EHBP1: variants seen among roughly 807,000 people sequenced by gnomAD.
EHBP1 encodes the protein EH domain-binding protein 1.
Under a neutral mutation model 144.0 loss-of-function variants are expected in EHBP1, and 55 were observed. That is an observed-to-expected ratio of 0.38 (90% CI 0.31 to 0.48). The LOEUF (loss-of-function observed/expected upper bound fraction) is 0.48, where lower values mean the gene tolerates loss of function less well. EHBP1 is among the 20% of genes least tolerant of loss of function. The pLI, the probability that EHBP1 is intolerant of heterozygous loss-of-function variation, is 0.98. For missense variants in EHBP1, 1,200 were observed against 1,364.2 expected (o/e 0.88, Z 1.90); for synonymous variants, 469 against 472.7 (o/e 0.99, Z 0.10).
chr2:62,935,474 C>T (rs756707996), intron 10 of EHBP1, among the ~76,000 whole-genome samples: 24 of 150,976 alleles, frequency 1.6e-4, no homozygotes, highest in Non-Finnish European at 3.1e-4. Context: ...CATTTTTATG[C>T]CACTATGAAT....
At chr2:62,810,197 A>G (rs192157471) in intron 5 of EHBP1, among the ~76,000 whole-genome samples, 1 of 152,348 alleles carries the variant, frequency 6.6e-6, no homozygotes, top group East Asian at 1.9e-4. Context: ...ACCTCTCCGT[A>G]TATTTATAAT....
intron 13 of EHBP1, among the ~76,000 whole-genome samples, chr2:62,953,272 T>C (rs577166740): frequency 5.7e-4 from 86 of 149,680 alleles, no homozygotes; most frequent in African/African-American, 2.0e-3. Flanking sequence ...CTAAAGATAT[T>C]CATAAAAGCA....
At chr2:62,742,989 A>G (rs2038856074) in intron 2 of EHBP1, among the ~76,000 whole-genome samples, 1 of 152,134 alleles carries the variant, frequency 6.6e-6, no homozygotes, top group Non-Finnish European at 1.5e-5. Flanking sequence ...ATATAAATTC[A>G]TGGTAGAAAA....
intron 7 of EHBP1, among the ~76,000 whole-genome samples, chr2:62,847,352 A>T (rs2152744470): frequency 6.6e-6 from 1 of 152,362 alleles, no homozygotes. Flanking sequence ...GATAGATCAT[A>T]GACCTAAATA....
chr2:62,900,567 G>C (rs879336323), intron 10 of EHBP1, among the ~76,000 whole-genome samples: 1 of 151,792 alleles, frequency 6.6e-6, no homozygotes, highest in Non-Finnish European at 1.5e-5. Flanking sequence ...GCTGCAGTGA[G>C]CTGTGATCAC....
At chr2:62,996,142 G>GA (rs993147265) in intron 18 of EHBP1, among the ~76,000 whole-genome samples, 3 of 151,284 alleles carry the variant, frequency 2.0e-5, no homozygotes, top group African/African-American at 4.9e-5. Context: ...TAATCATTTT[G>GA]AAAAAAAATG....
chr2:63,014,269 T>G (rs899777519), intron 19 of EHBP1, among the ~76,000 whole-genome samples: 1 of 152,242 alleles, frequency 6.6e-6, no homozygotes, highest in African/African-American at 2.4e-5. Context: ...GATTTTGTTA[T>G]TGATCTCTAA....
chr2:62,871,657 A>G (rs1020694815), intron 9 of EHBP1, among the ~76,000 whole-genome samples: 2 of 152,228 alleles, frequency 1.3e-5, no homozygotes, highest in Non-Finnish European at 2.9e-5. Flanking sequence ...CAAAAAGCCT[A>G]TGTGACTCAC....
chr2:62,886,634 G>A (rs2051952959), intron 10 of EHBP1, among the ~76,000 whole-genome samples: 1 of 152,122 alleles, frequency 6.6e-6, no homozygotes, highest in African/African-American at 2.4e-5. Context: ...AAGAATACAA[G>A]CTTGGCTTCA....
chr2:63,028,891 C>T (rs1462831046), intron 19 of EHBP1, among the ~76,000 whole-genome samples: 1 of 152,148 alleles, frequency 6.6e-6, no homozygotes, highest in Non-Finnish European at 1.5e-5. Flanking sequence ...TGAAAACTTA[C>T]TTTCCCACTG....
At chr2:62,836,432 C>G (rs1264770855) in intron 7 of EHBP1, among the ~76,000 whole-genome samples, 2 of 139,586 alleles carry the variant, frequency 1.4e-5, no homozygotes, top group African/African-American at 5.4e-5. Flanking sequence ...AAACGCAGAG[C>G]GTCTCTCCTC....
At chr2:62,865,149 C>G (rs191987256) in intron 9 of EHBP1, among the ~76,000 whole-genome samples, 178 bp downstream of exon 9, 13 of 152,274 alleles carry the variant, frequency 8.5e-5, no homozygotes, top group Non-Finnish European at 4.4e-5. Flanking sequence ...CACCCTCTTC[C>G]AGGTATGTGT....
At chr2:62,929,328 A>G (rs1259520117) in intron 10 of EHBP1, among the ~76,000 whole-genome samples, 2 of 152,208 alleles carry the variant, frequency 1.3e-5, no homozygotes, top group East Asian at 3.8e-4. Context: ...AAAATCCTCA[A>G]TGTCATACTA....
At chr2:62,779,142 T>C (rs1247437583) in intron 5 of EHBP1, among the ~76,000 whole-genome samples, 2 of 152,190 alleles carry the variant, frequency 1.3e-5, no homozygotes, top group African/African-American at 4.8e-5. Flanking sequence ...TCAGCCTTTT[T>C]AGGGTACGGC....
At chr2:63,030,428 C>T (rs2061187921) in intron 19 of EHBP1, among the ~76,000 whole-genome samples, 1 of 152,016 alleles carries the variant, frequency 6.6e-6, no homozygotes, top group African/African-American at 2.4e-5. Flanking sequence ...CACACACACA[C>T]ATTTAAAAAT....
intron 13 of EHBP1, among the ~76,000 whole-genome samples, chr2:62,953,109 C>T (rs909156185): frequency 6.8e-6 from 1 of 147,644 alleles, no homozygotes; most frequent in African/African-American, 2.5e-5. Flanking sequence ...CCCAGCTACT[C>T]GGGAGGCTGA....
At chr2:63,043,206 T>G (rs2061749216) in intron 21 of EHBP1, among the ~76,000 whole-genome samples, 2 of 152,198 alleles carry the variant, frequency 1.3e-5, no homozygotes, top group Admixed American at 1.3e-4. Flanking sequence ...AGAACCAGAT[T>G]AAAAAATTTT....
At chr2:62,988,127 T>G in intron 15 of EHBP1, 1 of 758,080 alleles carries the variant, frequency 1.3e-6, no homozygotes, top group Non-Finnish European at 2.2e-6. Context: ...TAATAATAAT[T>G]TTGTAGTTTT....
chr2:62,764,208 A>C (rs1255002343), intron 3 of EHBP1, 58 bp from the exon 4 acceptor site: 1 of 1,233,644 alleles, frequency 8.1e-7, no homozygotes, highest in Non-Finnish European at 1.1e-6. Flanking sequence ...ATTCTGGTAA[A>C]TTACTAACAT....
Sources: allele counts gnomAD v4.1 joint callset (sites outside exome capture counted in the v4.1 genomes callset), GRCh38; gene constraint gnomAD v4.1.1; transcripts MANE v1.5; gene names NCBI Gene and HGNC (gene_info 2026-07-23, HGNC 2026-07-21).